The following MAG variants were observed in gnomAD, a reference collection of about 807,000 sequenced individuals.
The protein encoded by MAG is myelin-associated glycoprotein.
MAG carries 30 observed loss-of-function variants against 60.7 expected under a neutral mutation model. That is an observed-to-expected ratio of 0.49 (90% confidence interval 0.37 to 0.67). The LOEUF (loss-of-function observed/expected upper bound fraction) is 0.67. MAG is among the 30% of genes least tolerant of loss of function. The pLI, the probability that MAG is intolerant of heterozygous loss-of-function variation, is 0.00. For synonymous variants in MAG, 384 were observed against 376.8 expected (o/e 1.02, Z -0.22); for missense variants, 795 against 851.7 (o/e 0.93, Z 0.83).
rs759758253 is a variant in MAG, at chr19:35,295,723, G to A, written c.157G>A (p.Ala53Thr). 16 of 1,613,588 alleles carry A rather than the reference G, an allele frequency of 9.9e-6. No homozygotes were observed. In the East Asian group the frequency reaches 2.5e-4, roughly 25 times the overall value. Residue 53 changes from alanine (A) to threonine (T), a missense_variant, in exon 4 of 11, where the codon GCT (alanine) becomes ACT (threonine). Transcript: ENST00000392213. This position sits in a 1 kb window ranked among gnomAD's most constrained non-coding sequence, Gnocchi z 5.8. ...RFDFPDELRPAVVHGVWYFNS... is the reference protein window; with the variant it reads ...RFDFPDELRPTVVHGVWYFNS... ...TGACTTCCCGGATGAGCTGCGGCCC[G>A]CTGTGGTGCATGGTGTCTGGTACTT...
chr19:35,300,502 G>A, intron 6 of MAG, 98 bp downstream of exon 6: 1 of 1,437,240 alleles, frequency 7.0e-7, no homozygotes, highest in Non-Finnish European at 9.2e-7. Context: ...GGTCCCGAGG[G>A]GACCGGCCAT....
At chr19:35,308,999 A>G (rs1423716645) in intron 7 of MAG, among the ~76,000 whole-genome samples, 1 of 152,168 alleles carries the variant, frequency 6.6e-6, no homozygotes, top group Non-Finnish European at 1.5e-5. Flanking sequence ...AAGGATTTGT[A>G]TTTTAGGTGA....
chr19:35,309,880 C>A lies in MAG; in HGVS notation c.1238C>A (p.Pro413His). Reference protein sequence around the residue: ...TAFNLSVEFAPVLLLESHCAA... With the variant: ...TAFNLSVEFAHVLLLESHCAA... The stretch of plus-strand genomic sequence containing the variant: ...CCTGATTTTGCCCCTGCAGTCGCCC[C>A]TGTGCTCCTCCTGGAGTCCCACTGC... Residue 413 changes from proline (P) to histidine (H), a missense_variant, in exon 8 of 11, where the codon CCT becomes CAT. By Grantham distance (77) the Pro-to-His change is moderately conservative. Coordinates refer to ENST00000392213, the MANE Select transcript of MAG (RefSeq NM_002361.4). The A allele has an allele frequency of 6.2e-7, 1 of 1,609,744 alleles. No homozygotes were observed. The highest frequency in any genetic ancestry group is 8.5e-7 in the Non-Finnish European group (1 of 1,178,852).
At chr19:35,301,882 C>T (rs2066451270) in intron 6 of MAG, among the ~76,000 whole-genome samples, 1 of 146,770 alleles carries the variant, frequency 6.8e-6, no homozygotes, top group African/African-American at 2.7e-5. Context: ...ATGCTTTTGA[C>T]ATGCAATCTT....
intron 6 of MAG, among the ~76,000 whole-genome samples, chr19:35,301,051 A>G (rs1270856441): frequency 6.6e-6 from 1 of 151,646 alleles, no homozygotes; most frequent in Non-Finnish European, 1.5e-5. Context: ...CTATTTTTTT[A>G]TAGAGACAGA....
At chr19:35,304,231 G>A (rs2066468413) in intron 7 of MAG, among the ~76,000 whole-genome samples, 1 of 152,090 alleles carries the variant, frequency 6.6e-6, no homozygotes, top group Non-Finnish European at 1.5e-5. Flanking sequence ...TGTGATCCTG[G>A]CGCGGGGCTG....
chr19:35,309,955 C>T lies in MAG; in HGVS notation c.1313C>T (p.Pro438Leu). ...VQCLCVVKSNPEPSVAFELPS... is the reference protein window; with the variant it reads ...VQCLCVVKSNLEPSVAFELPS... ...TGCCTGTGCGTGGTGAAGTCCAACC[C>T]GGAGCCGTCCGTGGCCTTTGAGCTG... Residue 438 changes from proline (P) to leucine (L), a missense_variant, in exon 8 of 11, where the codon CCG (proline) becomes CTG (leucine). Transcript: ENST00000392213. The T allele has an allele frequency of 1.9e-6, 3 of 1,614,020 alleles. No individual in the cohort carries two copies. Among genetic ancestry groups the T allele is most frequent in the Non-Finnish European group, 2.5e-6 (3 of 1,179,948 alleles).
chr19:35,311,477 A>G (rs979465583), intron 9 of MAG, among the ~76,000 whole-genome samples: 1 of 141,808 alleles, frequency 7.1e-6, no homozygotes, highest in African/African-American at 2.5e-5. Flanking sequence ...AAACAAACAA[A>G]CAGACAGACA....
chr19:35,300,439 C>G, intron 6 of MAG, 35 bp downstream of exon 6: 1 of 1,524,772 alleles, frequency 6.6e-7, no homozygotes, highest in Non-Finnish European at 8.8e-7. Context: ...ACACGCCCAC[C>G]TGCAGCCGAG....
intron 5 of MAG, 94 bp downstream of exon 5, chr19:35,299,944 GC>G: frequency 8.0e-7 from 1 of 1,256,410 alleles, no homozygotes; most frequent in Non-Finnish European, 1.0e-6. Context: ...GCGGGGCCGG[GC>G]CGTGATGGGG....
In MAG at chr19:35,295,995, G is replaced by C; in HGVS notation, c.415+14G>C. On this transcript the variant is annotated intron_variant, in intron 4 of 10. Coordinates refer to ENST00000392213, the MANE Select transcript of MAG (RefSeq NM_002361.4). The surrounding 1 kb of genome is among the most constrained non-coding windows in gnomAD (Gnocchi z 5.8). ...TGGATATCGTCAGTGAGTCCCCAGC[G>C]GTTGTGCAGGCACCGGGAGCTGGGG... The C allele has an allele frequency of 3.2e-6, 5 of 1,546,952 alleles. No homozygotes were observed. Among genetic ancestry groups the C allele is most frequent in the Non-Finnish European group, 2.6e-6 (3 of 1,145,498 alleles).
Position 35,313,577 on chromosome 19 carries a change from A to T in MAG, c.*123A>T. 1 of 1,008,260 alleles carries T rather than the reference A, an allele frequency of 9.9e-7. No individual in the cohort carries two copies. 62.5% of individuals were successfully genotyped at this position (1,008,260 alleles called of 1,614,324 possible). On this transcript the variant is annotated 3_prime_UTR_variant, in exon 11 of 11. Coordinates refer to ENST00000392213, the MANE Select transcript of MAG (RefSeq NM_002361.4). ...GGGCAGGAGGGGAGTGAGGCAGGTG[A>T]CAGTGAGGTCCTGGGGGCCTGACCT...
Position 35,313,345 on chromosome 19 carries a change from C to G in MAG, c.1772C>G (p.Pro591Arg), listed in dbSNP as rs760377300. 1.2e-6 allele frequency: 2 copies of G among 1,614,164 alleles called. No homozygotes were observed. The highest frequency in any genetic ancestry group is 8.5e-7 in the Non-Finnish European group (1 of 1,180,012). ...RRLLGLRGEP[P>R]ELDLSYSHSD... ...CTGCTGGGCCTTCGGGGTGAGCCCC[C>G]AGAGCTGGACCTGAGCTATTCTCAC... Residue 591 changes from proline (P) to arginine (R), a missense_variant, in exon 11 of 11, where the codon CCA becomes CGA. Physicochemically the swap from Pro to Arg is moderately radical, Grantham distance 103. Transcript: ENST00000392213.
At chr19:35,294,361 GT>G in intron 2 of MAG, 71 bp downstream of exon 2, 1 of 416,390 alleles carries the variant, frequency 2.4e-6, no homozygotes, top group South Asian at 1.7e-5. Context: ...TGGCTCTCTG[GT>G]TCTTACTTTC....
At chr19:35,296,656 G>A (rs2066400156) in intron 4 of MAG, among the ~76,000 whole-genome samples, 1 of 151,802 alleles carries the variant, frequency 6.6e-6, no homozygotes, top group Non-Finnish European at 1.5e-5. Context: ...CCTCATTTCT[G>A]AGTGGCGCTG....
At chr19:35,307,000 T>A (rs1185928327) in intron 7 of MAG, among the ~76,000 whole-genome samples, 5 of 152,192 alleles carry the variant, frequency 3.3e-5, no homozygotes, top group Admixed American at 3.3e-4. Flanking sequence ...GCTTCACAGG[T>A]TGTCTGAAAA....
chr19:35,309,698 G>A, intron 7 of MAG, 176 bp from the exon 8 acceptor site: 3 of 692,374 alleles, frequency 4.3e-6, no homozygotes, highest in African/African-American at 1.8e-5. Flanking sequence ...GGGTCGTAGT[G>A]AGGTCAAGGC....
chr19:35,312,026 C>T lies in MAG; in HGVS notation c.1716+9C>T. 1 of 1,609,064 alleles carries T rather than the reference C, an allele frequency of 6.2e-7. No homozygotes were observed. Among genetic ancestry groups the T allele is most frequent in the Non-Finnish European group, 8.5e-7 (1 of 1,177,346 alleles). ...CACCAGAGAAGTACGAGGTAAGGAC[C>T]AGGCTCCAGGCTGGCCTGGGAACCT... On this transcript the variant is annotated intron_variant, in intron 10 of 10. Coordinates refer to ENST00000392213, the MANE Select transcript of MAG (RefSeq NM_002361.4).
chr19:35,295,262 T>G lies in MAG; in HGVS notation c.-23-124T>G. On this transcript the variant is annotated intron_variant, in intron 2 of 10. Transcript: ENST00000392213. This position sits in a 1 kb window ranked among gnomAD's most constrained non-coding sequence, Gnocchi z 5.8. ...ACCCTGTCTCAGAAAAATAAGTAAA[T>G]AAATGCATAAATAAATAATAATAGC... 1 of 801,874 alleles carries G rather than the reference T, an allele frequency of 1.2e-6. No homozygotes were observed. Among genetic ancestry groups the G allele is most frequent in the Non-Finnish European group, 2.0e-6 (1 of 499,932 alleles). The allele number at this position is 801,874 out of a possible 1,614,324, so 49.7% of individuals were successfully genotyped here.
Sources: gnomAD v4.1 joint callset for allele counts (sites outside exome capture counted in the v4.1 genomes callset) on GRCh38, gnomAD v4.1.1 for gene constraint, Gnocchi (gnomAD v3.1) non-coding constraint, MANE v1.5 for transcripts, NCBI Gene and HGNC (gene_info 2026-07-23, HGNC 2026-07-21) for gene names.